Variants in ABLIM2 observed in about 807,000 individuals in gnomAD.
ABLIM2 encodes the protein actin-binding LIM protein 2.
A neutral mutation model predicts 97.7 loss-of-function variants in ABLIM2; 53 were observed. That is an observed-to-expected ratio of 0.54 (90% CI 0.44 to 0.68). The LOEUF is 0.68. Among genes scored for constraint, ABLIM2 ranks in the 30% least tolerant of loss-of-function variants. The probability of loss-of-function intolerance (pLI) is 0.00; values close to 1 mark genes in which losing one functional copy is unlikely to be tolerated. For missense variants in ABLIM2, 835 were observed against 867.2 expected (o/e 0.96, Z 0.47); for synonymous variants, 361 against 345.8 (o/e 1.04, Z -0.49).
Position 8,072,139 on chromosome 4 carries a change from C to T in ABLIM2, c.675+5489G>A. Reference sequence around the variant, plus strand: ...AAGCATTAATCTTCCCCAGGAGGCCCTTTCTCCTCCACAGCAGAGGAGGAG... The same window carrying T: ...AAGCATTAATCTTCCCCAGGAGGCCTTTTCTCCTCCACAGCAGAGGAGGAG... On this transcript the variant is annotated intron_variant, in intron 6 of 20. Coordinates refer to ENST00000447017, the MANE Select transcript of ABLIM2 (RefSeq NM_001130083.2). The surrounding 1 kb of genome is among the most constrained non-coding windows in gnomAD (Gnocchi z 5.8). The T allele has an allele frequency of 4.6e-6, 4 of 868,208 alleles. No homozygotes were observed. Among genetic ancestry groups the T allele is most frequent in the Non-Finnish European group, 5.5e-6 (4 of 722,972 alleles). 53.8% of individuals were successfully genotyped at this position (868,208 alleles called of 1,614,324 possible).
chr4:8,092,389 G>C (rs769491795), intron 3 of ABLIM2, among the ~76,000 whole-genome samples: 2 of 152,100 alleles, frequency 1.3e-5, no homozygotes, highest in African/African-American at 4.8e-5. Context: ...AGCTGGGAAC[G>C]GAATCATGCA....
At position 8,109,375 on chromosome 4, in the gene ABLIM2, C is replaced by T. The variant is rs190771481; in HGVS notation, c.11-2738G>A. On this transcript the variant is annotated intron_variant, in intron 1 of 20. Transcript: ENST00000447017. Reference sequence around the variant, plus strand: ...AGGGCTAAGCGTATTCACGCACAGACGTACTCACTCACATCTATTTACCCA... The same window carrying T: ...AGGGCTAAGCGTATTCACGCACAGATGTACTCACTCACATCTATTTACCCA... Among the ~76,000 whole-genome samples, 6 of 152,358 alleles carry T rather than the reference C, an allele frequency of 3.9e-5. No homozygotes were observed. In the East Asian group the frequency reaches 1.2e-3, roughly 29 times the overall value.
rs1797667430 is a variant in ABLIM2 at position 8,054,246 on chromosome 4, C to T, written c.764G>A (p.Gly255Asp). The change falls in exon 8 of 21, where the codon GGT becomes GAT. Residue 255 changes from glycine (G) to aspartate (D), a missense_variant and splice_region_variant. Coordinates refer to ENST00000447017, the MANE Select transcript of ABLIM2 (RefSeq NM_001130083.2). The surrounding 1 kb of genome is among the most constrained non-coding windows in gnomAD (Gnocchi z 4.9). Reference protein sequence around the residue: ...FAEGEEMYLQGSSIWHPACRQ... With the variant: ...FAEGEEMYLQDSSIWHPACRQ... ...ACACGCCGGATGCCAGATGGAGGAA[C>T]CTGTTGACAAATTCCCAAGAGGGAA... 1 of 1,614,028 alleles carries T rather than the reference C, an allele frequency of 6.2e-7. No homozygotes were observed. The highest frequency in any genetic ancestry group is 1.1e-5 in the South Asian group (1 of 91,088).
chr4:8,088,975 G>C (rs1484524151), intron 3 of ABLIM2, among the ~76,000 whole-genome samples: 2 of 152,202 alleles, frequency 1.3e-5, no homozygotes, highest in Non-Finnish European at 1.5e-5. Flanking sequence ...TCGTAGACAG[G>C]AAGATGCTGG....
chr4:8,136,750 G>A (rs1033567515), intron 1 of ABLIM2, among the ~76,000 whole-genome samples: 62 of 152,246 alleles, frequency 4.1e-4, no homozygotes, highest in Non-Finnish European at 6.5e-4. Flanking sequence ...GTGGCTAAAT[G>A]TACACCTCAC....
chr4:8,110,810 C>T (rs961869820), intron 1 of ABLIM2, among the ~76,000 whole-genome samples: 6 of 152,224 alleles, frequency 3.9e-5, no homozygotes, highest in African/African-American at 1.4e-4. Context: ...GGGAGATAGA[C>T]ATTGCGCCGT....
chr4:8,102,615 G>T (rs1225863914), intron 2 of ABLIM2, among the ~76,000 whole-genome samples: 1 of 152,184 alleles, frequency 6.6e-6, no homozygotes, highest in Non-Finnish European at 1.5e-5. Context: ...GCTGTGGGTG[G>T]CAGAGGTGGA....
chr4:8,014,660 A>G (rs557341465), intron 14 of ABLIM2, among the ~76,000 whole-genome samples: 89 of 152,366 alleles, frequency 5.8e-4, no homozygotes, highest in African/African-American at 2.0e-3. Context: ...CACTGGGACA[A>G]GCCTAGCACA....
At chr4:8,025,208 G>T (rs972259645) in intron 12 of ABLIM2, among the ~76,000 whole-genome samples, 2 of 152,228 alleles carry the variant, frequency 1.3e-5, no homozygotes, top group African/African-American at 4.8e-5. Flanking sequence ...GATTACAGGG[G>T]TGAGCCACCA....
chr4:7,992,861 C>A lies in ABLIM2; in HGVS notation c.1680+5G>T, dbSNP rs748684051. On this transcript the variant is annotated splice_donor_5th_base_variant and intron_variant, in intron 17 of 20. Coordinates refer to ENST00000447017, the MANE Select transcript of ABLIM2 (RefSeq NM_001130083.2). The surrounding 1 kb of genome is among the most constrained non-coding windows in gnomAD (Gnocchi z 5.7). Reference sequence around the variant, plus strand: ...CCCTGTGGCCAGGGAGGGGTCAGTACCTACCCGCTGGTCCAAGCCATTCTT... The same window carrying A: ...CCCTGTGGCCAGGGAGGGGTCAGTAACTACCCGCTGGTCCAAGCCATTCTT... 6.2e-7 allele frequency: 1 copy of A among 1,612,118 alleles called. No homozygotes were observed. The highest frequency in any genetic ancestry group is 2.2e-5 in the East Asian group (1 of 44,868).
intron 14 of ABLIM2, among the ~76,000 whole-genome samples, chr4:8,014,998 G>A (rs1172296479): frequency 3.3e-5 from 5 of 150,664 alleles, no homozygotes; most frequent in Non-Finnish European, 4.4e-5. Context: ...TCGGCTCACT[G>A]CAACCTCCGC....
intron 20 of ABLIM2, among the ~76,000 whole-genome samples, chr4:7,968,316 C>T (rs1463630881): frequency 6.6e-6 from 1 of 152,264 alleles, no homozygotes; most frequent in Non-Finnish European, 1.5e-5. Flanking sequence ...ATGCCCCAGC[C>T]ATCCACTCTT....
chr4:8,078,400 C>T (rs1435799969), intron 5 of ABLIM2, among the ~76,000 whole-genome samples: 3 of 152,330 alleles, frequency 2.0e-5, no homozygotes, highest in East Asian at 3.9e-4. Context: ...GAATTGGTGT[C>T]GAATGCCCAT....
chr4:8,101,609 C>T (rs765661891), intron 2 of ABLIM2, among the ~76,000 whole-genome samples: 27 of 152,204 alleles, frequency 1.8e-4, no homozygotes, highest in Non-Finnish European at 3.1e-4. Flanking sequence ...GCTCTCCTCC[C>T]GGACACACGT....
At chr4:8,090,522 T>C (rs1826598622) in intron 3 of ABLIM2, among the ~76,000 whole-genome samples, 1 of 152,078 alleles carries the variant, frequency 6.6e-6, no homozygotes, top group Admixed American at 6.5e-5. Flanking sequence ...GTGACAAATG[T>C]ACACACCCAT....
rs1051259020 is a variant in ABLIM2, at chr4:8,128,733, G to C, written c.11-22096C>G. On this transcript the variant is annotated intron_variant, in intron 1 of 20. Coordinates refer to ENST00000447017, the MANE Select transcript of ABLIM2 (RefSeq NM_001130083.2). The surrounding 1 kb of genome is among the most constrained non-coding windows in gnomAD (Gnocchi z 4.9). ...CTAAACCCCAGTGTGACAGGATTTG[G>C]AGGCGGGACCTTTGGGAGGAATTAG... 6.6e-6 allele frequency among the ~76,000 whole-genome samples: 1 copy of C among 152,166 alleles called. No individual in the cohort carries two copies. The highest frequency in any genetic ancestry group is 1.5e-5 in the Non-Finnish European group (1 of 68,036).
chr4:8,032,650 C>G lies in ABLIM2; in HGVS notation c.1048-2874G>C. The G allele has an allele frequency of 6.2e-7, 1 of 1,612,480 alleles. No homozygotes were observed. The highest frequency in any genetic ancestry group is 8.5e-7 in the Non-Finnish European group (1 of 1,179,816). On this transcript the variant is annotated intron_variant, in intron 10 of 20. Coordinates refer to ENST00000447017, the MANE Select transcript of ABLIM2 (RefSeq NM_001130083.2). This position sits in a 1 kb window ranked among gnomAD's most constrained non-coding sequence, Gnocchi z 4.3. ...ACAGGCGAGAGGGTGGTGGTTACCT[C>G]GGTCGGCGTTGGCGAGAGCAACTGA... is the stretch of plus-strand genomic sequence containing the variant.
chr4:8,042,130 G>C (rs1789083038), intron 9 of ABLIM2, among the ~76,000 whole-genome samples: 1 of 152,118 alleles, frequency 6.6e-6, no homozygotes, highest in South Asian at 2.1e-4. Context: ...AGGGAGAGTG[G>C]AAGGCCTCGG....
Position 8,069,240 on chromosome 4 carries a change from G to A in ABLIM2, c.676-8186C>T, listed in dbSNP as rs143038402. 2.2e-3 allele frequency among the ~76,000 whole-genome samples: 330 copies of A among 152,368 alleles called. 3 individuals carry two copies. Among genetic ancestry groups the A allele is most frequent in the African/African-American group, 7.5e-3 (310 of 41,592 alleles). ...CCCTCCAGCAGTGGCACTGGCAGAC[G>A]AGCCGTCCAGTGGGGACGTTCTGAA... On this transcript the variant is annotated intron_variant, in intron 6 of 20. Coordinates refer to ENST00000447017, the MANE Select transcript of ABLIM2 (RefSeq NM_001130083.2). The surrounding 1 kb of genome is among the most constrained non-coding windows in gnomAD (Gnocchi z 4.2).
Sources: allele counts gnomAD v4.1 joint callset (sites outside exome capture counted in the v4.1 genomes callset), GRCh38; gene constraint gnomAD v4.1.1; non-coding constraint Gnocchi (gnomAD v3.1); transcripts MANE v1.5; gene names NCBI Gene and HGNC (gene_info 2026-07-23, HGNC 2026-07-21).